The following PXYLP1 variants were observed in gnomAD, a reference collection of about 807,000 sequenced individuals.
PXYLP1 encodes 2-phosphoxylose phosphatase 1, also known as acid phosphatase-like 2.
In PXYLP1, 17 loss-of-function variants were observed where a neutral mutation model predicts 37.9. The observed-to-expected ratio is 0.45, with a 90% confidence interval of 0.31 to 0.67. The LOEUF (loss-of-function observed/expected upper bound fraction) is 0.67, where lower values mean the gene tolerates loss of function less well. PXYLP1 is among the 30% of genes least tolerant of loss of function. The probability of loss-of-function intolerance (pLI) is 0.07; values close to 1 mark genes in which losing one functional copy is unlikely to be tolerated. For synonymous variants in PXYLP1, 221 were observed against 232.2 expected (o/e 0.95, Z 0.44); for missense variants, 511 against 612.0 (o/e 0.84, Z 1.74).
intron 2 of PXYLP1, among the ~76,000 whole-genome samples, chr3:141,269,973 A>G (rs1189206399): frequency 6.6e-6 from 1 of 152,262 alleles, no homozygotes; most frequent in Non-Finnish European, 1.5e-5. Context: ...ATGCCCAAGC[A>G]ATGGGTGGAC....
chr3:141,245,932 T>C (rs866537447), intron 1 of PXYLP1, among the ~76,000 whole-genome samples: 2 of 152,242 alleles, frequency 1.3e-5, no homozygotes, highest in South Asian at 2.1e-4. Context: ...GAGCATTTAA[T>C]GTCAGTGGAA....
intron 2 of PXYLP1, among the ~76,000 whole-genome samples, chr3:141,268,785 C>T (rs775713897): frequency 6.6e-6 from 1 of 152,234 alleles, no homozygotes; most frequent in Non-Finnish European, 1.5e-5. Context: ...ACACACACTA[C>T]AGATGTTACC....
intron 1 of PXYLP1, chr3:141,235,574 G>A (rs980506339): frequency 6.6e-6 from 1 of 152,386 alleles, no homozygotes; most frequent in Non-Finnish European, 1.5e-5. Context: ...AAAAGGAGCA[G>A]TGGCTTGGAA....
intron 4 of PXYLP1, among the ~76,000 whole-genome samples, chr3:141,281,683 G>T (rs1268691641): frequency 6.6e-6 from 1 of 152,222 alleles, no homozygotes; most frequent in Non-Finnish European, 1.5e-5. Context: ...GCAGATCAGG[G>T]AAGGCCACAC....
rs151302319 is a variant in PXYLP1, at chr3:141,243,765, G to A, written c.-54+11854G>A. Among the ~76,000 whole-genome samples the A allele has an allele frequency of 2.3e-3, 348 of 152,326 alleles. 2 individuals are homozygous for A. Among genetic ancestry groups the A allele is most frequent in the African/African-American group, 8.0e-3 (332 of 41,578 alleles). On this transcript the variant is annotated intron_variant, in intron 1 of 5. Transcript: ENST00000286353. ...ACGAGGCCCCTCCCAGTCCACCTAA[G>A]CACCTCCACTGCTACCTGAATTCCA...
intron 1 of PXYLP1, among the ~76,000 whole-genome samples, chr3:141,242,818 C>G (rs1413417110): frequency 2.0e-5 from 3 of 152,154 alleles, no homozygotes; most frequent in African/African-American, 7.2e-5. Flanking sequence ...CTCCATGCCC[C>G]CTGAGGCAGG....
rs946565619 is a variant in PXYLP1 at position 141,274,112 on chromosome 3, C to A, written c.80-4230C>A. 16 of 995,164 alleles carry A rather than the reference C, an allele frequency of 1.6e-5. No individual in the cohort carries two copies. The African/African-American group carries it at 2.8e-4, about 17-fold the overall frequency. The allele number at this position is 995,164 out of a possible 1,614,324, so 61.6% of individuals were successfully genotyped here. A position where few individuals can be genotyped will look rare whatever the true frequency, so the allele number is the denominator to read the frequency against. ...CAGCTAGAGGCACGGGGGGCCTGGG[C>A]AAAGCCTGCTGGGAGGAGCAGTGTC... On this transcript the variant is annotated intron_variant, in intron 2 of 5. Coordinates refer to ENST00000286353, the MANE Select transcript of PXYLP1 (RefSeq NM_001037172.3).
chr3:141,274,429 C>A, intron 2 of PXYLP1: 1 of 1,473,930 alleles, frequency 6.8e-7, no homozygotes, highest in Non-Finnish European at 9.0e-7. Flanking sequence ...ACGGCCTCCC[C>A]TCTGCTCCTC....
chr3:141,292,996 G>A lies in PXYLP1; in HGVS notation c.1234G>A (p.Glu412Lys), dbSNP rs1470984516. 9 of 1,614,214 alleles carry A rather than the reference G, an allele frequency of 5.6e-6. No homozygotes were observed. Among genetic ancestry groups the A allele is most frequent in the Non-Finnish European group, 7.6e-6 (9 of 1,180,036 alleles). The change falls in exon 6 of 6, where the codon GAA (glutamate) becomes AAA (lysine). Residue 412 changes from glutamate to lysine, a missense_variant. Physicochemically the swap from Glu to Lys is moderately conservative, Grantham distance 56. Transcript: ENST00000286353. This position sits in a 1 kb window ranked among gnomAD's most constrained non-coding sequence, Gnocchi z 4.3. ...RLIFELWQDR[E>K]KPSEHSVRIL... Reference sequence around the variant, plus strand: ...GATCTTTGAGCTTTGGCAAGACAGAGAAAAGCCCAGTGAACATTCCGTCCG... The same window carrying A: ...GATCTTTGAGCTTTGGCAAGACAGAAAAAAGCCCAGTGAACATTCCGTCCG...
chr3:141,268,554 T>G (rs1941587990), intron 2 of PXYLP1, among the ~76,000 whole-genome samples: 1 of 152,164 alleles, frequency 6.6e-6, no homozygotes, highest in South Asian at 2.1e-4. Flanking sequence ...GAAGCCCACC[T>G]TGAAATGAAG....
intron 4 of PXYLP1, 89 bp downstream of exon 4, chr3:141,279,593 T>C: frequency 1.3e-6 from 2 of 1,528,578 alleles, no homozygotes; most frequent in Non-Finnish European, 1.8e-6. Flanking sequence ...TGGTGAACCA[T>C]ACTGTTTGCA....
rs756960394 is a variant in PXYLP1, at chr3:141,292,824, C to T, written c.1062C>T (p.Asn354=). 4 of 1,613,902 alleles carry T rather than the reference C, an allele frequency of 2.5e-6. No individual in the cohort carries two copies. The Admixed American group carries it at 6.7e-5, about 27-fold the overall frequency. Residue 354 remains asparagine (N), a synonymous_variant, in exon 6 of 6, where the codon AAC becomes AAT. Coordinates refer to ENST00000286353, the MANE Select transcript of PXYLP1 (RefSeq NM_001037172.3). This position sits in a 1 kb window ranked among gnomAD's most constrained non-coding sequence, Gnocchi z 4.3. ...TCCTGGGTGCCCACCCCATCCTGAA[C>T]CAAACCATCGGCCGGATGCAGCGTG... ...YSLLGAHPIL[N]QTIGRMQRAT...
In PXYLP1 at chr3:141,262,412, G is replaced by A. The variant is rs886777758; in HGVS notation, c.79+2158G>A. The stretch of plus-strand genomic sequence containing the variant: ...TTTCCATCCTTTGGTTGGAGAGGTA[G>A]GATGTTACAGTCAACCCTGATTTTA... On this transcript the variant is annotated intron_variant, in intron 2 of 5. Transcript: ENST00000286353. 9.2e-6 allele frequency: 8 copies of A among 867,824 alleles called. No individual in the cohort carries two copies. The African/African-American group carries it at 1.2e-4, about 13-fold the overall frequency. The allele number at this position is 867,824 out of a possible 1,614,324, so 53.8% of individuals were successfully genotyped here.
chr3:141,285,434 G>A (rs1942054059), intron 4 of PXYLP1, among the ~76,000 whole-genome samples: 1 of 151,778 alleles, frequency 6.6e-6, no homozygotes, highest in African/African-American at 2.4e-5. Context: ...GAGCCACCAT[G>A]CCCGGCCTGT....
In PXYLP1 at chr3:141,256,266, T is replaced by C. The variant is rs867430741; in HGVS notation, c.-53-3857T>C. On this transcript the variant is annotated intron_variant, in intron 1 of 5. Transcript: ENST00000286353. ...CCCCACCGCCACCTGCTCTTTTGTCTCTTATCCTCAGTCTTATTTAAAAAG... is the reference window on the plus strand; with the variant it reads ...CCCCACCGCCACCTGCTCTTTTGTCCCTTATCCTCAGTCTTATTTAAAAAG... Among the ~76,000 whole-genome samples, 5 of 152,258 alleles carry C rather than the reference T, an allele frequency of 3.3e-5. No homozygotes were observed. In the South Asian group the frequency reaches 1.0e-3, roughly 32 times the overall value.
chr3:141,288,379 A>G (rs6803258), intron 5 of PXYLP1, among the ~76,000 whole-genome samples: 125,534 of 152,118 alleles, frequency 0.83, 52,194 homozygotes, highest in African/African-American at 0.93. Context: ...AGGTTTTGCC[A>G]TTATTATTGG....
At chr3:141,274,256 C>G (rs1278705773) in intron 2 of PXYLP1, 2 of 1,273,592 alleles carry the variant, frequency 1.6e-6, no homozygotes, top group East Asian at 7.2e-5. Context: ...CAGAGGCGGC[C>G]TGCAGCCCGG....
intron 2 of PXYLP1, among the ~76,000 whole-genome samples, chr3:141,266,686 A>G (rs2148774633): frequency 2.2e-5 from 2 of 90,352 alleles, no homozygotes; most frequent in South Asian, 4.2e-4. Context: ...AGAGAGGGAG[A>G]GATGAGGGGG....
intron 1 of PXYLP1, among the ~76,000 whole-genome samples, chr3:141,241,927 T>C (rs16851185): frequency 0.024 from 3,676 of 152,252 alleles, 109 homozygotes; most frequent in East Asian, 0.1. Context: ...CTGTGTCTGA[T>C]TCTTGACTGG....
Sources: allele counts gnomAD v4.1 joint callset (sites outside exome capture counted in the v4.1 genomes callset), GRCh38; gene constraint gnomAD v4.1.1; non-coding constraint Gnocchi (gnomAD v3.1); transcripts MANE v1.5; gene names NCBI Gene and HGNC (gene_info 2026-07-23, HGNC 2026-07-21).